Variants in PRKN observed in about 807,000 individuals in gnomAD.
PRKN encodes the protein E3 ubiquitin-protein ligase parkin.
Under a neutral mutation model 59.5 loss-of-function variants are expected in PRKN, and 56 were observed. The observed-to-expected ratio is 0.94, with a 90% CI of 0.76 to 1.18. The LOEUF (loss-of-function observed/expected upper bound fraction) is 1.18. Ranked by LOEUF, PRKN falls within the 50% of genes most tolerant of loss-of-function variation. The pLI is 0.00. For missense variants in PRKN, 657 were observed against 596.4 expected (o/e 1.10, Z -1.06); for synonymous variants, 250 against 222.1 (o/e 1.13, Z -1.12).
chr6:161,678,027 C>G (rs1219148090), intron 7 of PRKN, among the ~76,000 whole-genome samples: 1 of 151,972 alleles, frequency 6.6e-6, no homozygotes, highest in South Asian at 2.1e-4. Flanking sequence ...GTCTAGATAA[C>G]CTTAACCTCA....
At position 162,243,753 on chromosome 6, in the gene PRKN, G is replaced by T. The variant is rs114959161; in HGVS notation, c.412+18772C>A. ...AGCATCAAATCCCACATCTCAGTGA[G>T]TTCTTAGGGAAAAGAAAGATGATGA... On this transcript the variant is annotated intron_variant, in intron 3 of 11. Transcript: ENST00000366898. Among the ~76,000 whole-genome samples the T allele has an allele frequency of 4.4e-3, 674 of 152,218 alleles. 8 individuals carry two copies. The highest frequency in any genetic ancestry group is 0.015 in the African/African-American group (644 of 41,564).
Position 161,731,204 on chromosome 6 carries a change from G to A in PRKN, c.871+54568C>T, listed in dbSNP as rs186124490. 2.7e-4 allele frequency among the ~76,000 whole-genome samples: 41 copies of A among 152,376 alleles called. 1 individual carries two copies. The highest frequency in any genetic ancestry group is 9.9e-4 in the African/African-American group (41 of 41,588). ...TGTTTTCTTGTTGAGTTTAAAAGAT[G>A]GAGCTGTATGCAGGGTTACAGGAAT... On this transcript the variant is annotated intron_variant, in intron 7 of 11. Coordinates refer to ENST00000366898, the MANE Select transcript of PRKN (RefSeq NM_004562.3).
At chr6:161,616,972 G>A (rs528868477) in intron 7 of PRKN, among the ~76,000 whole-genome samples, 1 of 152,160 alleles carries the variant, frequency 6.6e-6, no homozygotes, top group Admixed American at 6.5e-5. Flanking sequence ...CTAGATCCTT[G>A]AGGAATTGCC....
intron 2 of PRKN, among the ~76,000 whole-genome samples, chr6:162,395,604 T>C (rs1247687535): frequency 1.3e-5 from 2 of 152,168 alleles, no homozygotes; most frequent in African/African-American, 2.4e-5. Context: ...TGCATGACTA[T>C]TGTCCTAGGC....
In PRKN at chr6:161,378,147, C is replaced by T. The variant is rs374966785; in HGVS notation, c.1167+8647G>A. On this transcript the variant is annotated intron_variant, in intron 10 of 11. Transcript: ENST00000366898. This position sits in a 1 kb window ranked among gnomAD's most constrained non-coding sequence, Gnocchi z 7.3. ...GACAAGGAGCTCTGCAGAGCAGGCA[C>T]GTGGACAGACCCATGGGAGGGGCAG... Among the ~76,000 whole-genome samples the T allele has an allele frequency of 3.9e-5, 6 of 152,114 alleles. No individual in the cohort carries two copies. The highest frequency in any genetic ancestry group is 2.0e-4 in the Admixed American group (3 of 15,280).
rs75044545 is a variant in PRKN at position 162,144,479 on chromosome 6, T to G, written c.534+56652A>C. Among the ~76,000 whole-genome samples the G allele has an allele frequency of 1.2e-3, 189 of 152,060 alleles. 1 individual carries two copies. Among genetic ancestry groups the G allele is most frequent in the African/African-American group, 4.2e-3 (174 of 41,492 alleles). On this transcript the variant is annotated intron_variant, in intron 4 of 11. Transcript: ENST00000366898. Reference sequence around the variant, plus strand: ...CCATAACTTACAGATGAGATCGAGGTGGAAGGATGCTGTCAGAAGATCAGC... The same window carrying G: ...CCATAACTTACAGATGAGATCGAGGGGGAAGGATGCTGTCAGAAGATCAGC...
chr6:162,318,955 AG>A (rs1295833110), intron 2 of PRKN, among the ~76,000 whole-genome samples: 1 of 152,062 alleles, frequency 6.6e-6, no homozygotes, highest in Non-Finnish European at 1.5e-5. Flanking sequence ...TTGTCACAAA[AG>A]AACACTAAGT....
chr6:161,854,363 T>A (rs1793559260), intron 6 of PRKN, among the ~76,000 whole-genome samples: 1 of 151,406 alleles, frequency 6.6e-6, no homozygotes, highest in Non-Finnish European at 1.5e-5. Context: ...AACTGAAAAT[T>A]CGAAATGCAT....
chr6:162,674,305 A>G (rs1779452783), intron 1 of PRKN, among the ~76,000 whole-genome samples: 1 of 152,194 alleles, frequency 6.6e-6, no homozygotes, highest in African/African-American at 2.4e-5. Context: ...ACAGTGACTC[A>G]GGTGACATGC....
intron 1 of PRKN, among the ~76,000 whole-genome samples, chr6:162,691,169 C>T (rs1244987730): frequency 1.3e-5 from 2 of 151,946 alleles, no homozygotes; most frequent in Non-Finnish European, 2.9e-5. Context: ...ATAAAAATTT[C>T]TTTCAACAAA....
chr6:161,537,052 C>A (rs1779439835), intron 9 of PRKN, among the ~76,000 whole-genome samples: 1 of 152,186 alleles, frequency 6.6e-6, no homozygotes, highest in Non-Finnish European at 1.5e-5. Flanking sequence ...CTGAACTTTA[C>A]AACAATACAA....
chr6:162,542,231 A>G (rs2846467), intron 1 of PRKN, among the ~76,000 whole-genome samples: 39,242 of 152,006 alleles, frequency 0.26, 6,257 homozygotes, highest in Non-Finnish European at 0.37. Flanking sequence ...ATAGGTATTA[A>G]ATATTGCAGC....
chr6:161,869,565 A>G (rs1794260922), intron 6 of PRKN, among the ~76,000 whole-genome samples: 1 of 152,070 alleles, frequency 6.6e-6, no homozygotes, highest in Non-Finnish European at 1.5e-5. Context: ...CTTAAAACGA[A>G]TGCATCACCT....
At chr6:162,639,802 T>A (rs931509781) in intron 1 of PRKN, among the ~76,000 whole-genome samples, 1 of 152,184 alleles carries the variant, frequency 6.6e-6, no homozygotes, top group Non-Finnish European at 1.5e-5. Flanking sequence ...ATTATTCACA[T>A]GGATGCAAGG....
At chr6:162,556,421 T>G (rs1431281627) in intron 1 of PRKN, among the ~76,000 whole-genome samples, 1 of 137,542 alleles carries the variant, frequency 7.3e-6, no homozygotes, top group Non-Finnish European at 1.6e-5. Context: ...GGCAGACGCC[T>G]TCTTTTTTTT....
chr6:162,606,779 C>T (rs2846540), intron 1 of PRKN, among the ~76,000 whole-genome samples: 39,105 of 152,086 alleles, frequency 0.26, 6,125 homozygotes, highest in Non-Finnish European at 0.36. Context: ...TGCAGTGGTG[C>T]AACCTTGCTT....
chr6:162,258,050 G>A (rs528895188), intron 3 of PRKN, among the ~76,000 whole-genome samples: 6 of 152,184 alleles, frequency 3.9e-5, no homozygotes, highest in Admixed American at 1.3e-4. Flanking sequence ...GGGCTCACGA[G>A]TTGCTGTCGC....
chr6:161,808,805 T>G (rs1177696501), intron 6 of PRKN, among the ~76,000 whole-genome samples: 1 of 152,150 alleles, frequency 6.6e-6, no homozygotes, highest in Non-Finnish European at 1.5e-5. Context: ...TTATCAAGAC[T>G]GCGATAAAAG....
chr6:162,240,359 T>C (rs1227914663), intron 3 of PRKN, among the ~76,000 whole-genome samples: 1 of 152,184 alleles, frequency 6.6e-6, no homozygotes, highest in Admixed American at 6.5e-5. Context: ...GTCTCCTTCT[T>C]TCCTTCCCAC....
Sources: allele counts gnomAD v4.1 joint callset (sites outside exome capture counted in the v4.1 genomes callset), GRCh38; gene constraint gnomAD v4.1.1; non-coding constraint Gnocchi (gnomAD v3.1); transcripts MANE v1.5; gene names NCBI Gene and HGNC (gene_info 2026-07-23, HGNC 2026-07-21).